The following SESN2 variants were observed in gnomAD, a reference collection of about 807,000 sequenced individuals.
SESN2 encodes the protein sestrin 2, also known as sestrin-2.
A neutral mutation model predicts 56.0 loss-of-function variants in SESN2; 42 were observed. The observed-to-expected ratio is 0.75, with a 90% CI of 0.59 to 0.97. SESN2 has a LOEUF of 0.97. Ranked by LOEUF, SESN2 falls within the 50% of genes least tolerant of loss-of-function variation. SESN2 has a pLI of 0.00. For missense variants in SESN2, 507 were observed against 649.4 expected (o/e 0.78, Z 2.38); for synonymous variants, 264 against 267.1 (o/e 0.99, Z 0.11).
intron 8 of SESN2, among the ~76,000 whole-genome samples, chr1:28,278,147 A>G (rs980772183): frequency 2.6e-5 from 4 of 152,218 alleles, no homozygotes; most frequent in African/African-American, 4.8e-5. Flanking sequence ...GCCCATTTGT[A>G]GAATGAGTAC....
intron 1 of SESN2, among the ~76,000 whole-genome samples, chr1:28,265,757 T>C (rs1479593216): frequency 1.3e-5 from 2 of 152,102 alleles, no homozygotes; most frequent in Admixed American, 1.3e-4. Flanking sequence ...ATTCCTAGCC[T>C]CAGGTGATCC....
chr1:28,260,047 G>A (rs1647314220), intron 1 of SESN2, 110 bp downstream of exon 1: 2 of 796,558 alleles, frequency 2.5e-6, no homozygotes, highest in Non-Finnish European at 3.6e-6. Flanking sequence ...AGGGAAAGCC[G>A]AGCGCGTAAC....
Position 28,273,426 on chromosome 1 carries a change from G to A in SESN2, c.819G>A (p.Leu273=). 6.2e-7 allele frequency: 1 copy of A among 1,611,810 alleles called. No homozygotes were observed. The highest frequency in any genetic ancestry group is 1.1e-5 in the South Asian group (1 of 90,860). The part of the protein sequence containing the change: ...ERMQQLQESL[L]RDEGTSQEEM... Reference sequence around the variant, plus strand: ...TGCAGCAGCTGCAGGAGAGCCTGCTGCGGGATGAGGGGACGTCCCAGGAGG... The same window carrying A: ...TGCAGCAGCTGCAGGAGAGCCTGCTACGGGATGAGGGGACGTCCCAGGAGG... Residue 273 remains leucine, a synonymous_variant, in exon 6 of 10, where the codon CTG becomes CTA. Transcript: ENST00000253063.
chr1:28,270,540 C>T (rs182089287), intron 2 of SESN2, among the ~76,000 whole-genome samples: 1 of 152,062 alleles, frequency 6.6e-6, no homozygotes, highest in East Asian at 1.9e-4. Context: ...TCAAGTATTG[C>T]TCTTGTCTTT....
chr1:28,264,550 C>T (rs940891448), intron 1 of SESN2, among the ~76,000 whole-genome samples: 2 of 129,324 alleles, frequency 1.5e-5, no homozygotes, highest in Non-Finnish European at 3.3e-5. Flanking sequence ...GACCTGACCC[C>T]TCTGTGTTGC....
At chr1:28,266,080 T>C (rs1647551368) in intron 1 of SESN2, among the ~76,000 whole-genome samples, 1 of 152,228 alleles carries the variant, frequency 6.6e-6, no homozygotes, top group Non-Finnish European at 1.5e-5. Context: ...AATATAGCCA[T>C]CAAAAATATT....
chr1:28,266,348 A>G (rs1236662636), intron 1 of SESN2, among the ~76,000 whole-genome samples: 2 of 152,164 alleles, frequency 1.3e-5, no homozygotes, highest in African/African-American at 2.4e-5. Flanking sequence ...GAGGTTAATG[A>G]TACCTGACTT....
Position 28,271,716 on chromosome 1 carries a change from C to T in SESN2, c.199C>T (p.Leu67=). 3.1e-6 allele frequency: 5 copies of T among 1,614,182 alleles called. No homozygotes were observed. The highest frequency in any genetic ancestry group is 4.2e-6 in the Non-Finnish European group (5 of 1,180,028). Residue 67 remains leucine (L), a synonymous_variant, in exon 3 of 10, where the codon CTG becomes TTG. Transcript: ENST00000253063. ...TGAGAGCCTCGAGCAGCACCTGGGG[C>T]TGGAGGCACTGATGTCCTCTGGGCG... The part of the protein sequence containing the change: ...GAESLEQHLG[L]EALMSSGRVD...
rs543632805 is a variant in SESN2 at position 28,259,708 on chromosome 1, G to C, written c.-140G>C. On this transcript the variant is annotated 5_prime_UTR_variant, in exon 1 of 10. Transcript: ENST00000253063. ...AGCGGCCGTTCTCGGATTCCGGAGC[G>C]TTCTGGAGCCCCGAGAGACGCCCCG... The C allele has an allele frequency of 2.3e-3, 1,322 of 581,554 alleles. 2 individuals are homozygous for C. Among genetic ancestry groups the C allele is most frequent in the Non-Finnish European group, 3.3e-3 (1,193 of 358,360 alleles). The allele number at this position is 581,554 out of a possible 1,614,324, so 36.0% of individuals were successfully genotyped here. A position where few individuals can be genotyped will look rare whatever the true frequency, so the allele number is the denominator to read the frequency against.
rs147204257 is a variant in SESN2, at chr1:28,273,449, A to C, written c.842A>C (p.Glu281Ala). ...CTGCGGGATGAGGGGACGTCCCAGG[A>C]GGAGATGGAGAGCCGCTTTGAGCTG... ...SLLRDEGTSQ[E>A]EMESRFELEK... Residue 281 changes from glutamate to alanine, a missense_variant, in exon 6 of 10, where the codon GAG becomes GCG. Transcript: ENST00000253063. 1 of 1,611,522 alleles carries C rather than the reference A, an allele frequency of 6.2e-7. No individual in the cohort carries two copies. The highest frequency in any genetic ancestry group is 1.3e-5 in the African/African-American group (1 of 74,834).
Position 28,279,007 on chromosome 1 carries a change from C to G in SESN2, c.1212-90C>G, listed in dbSNP as rs1648143033. ...CTACCTTCTGATTTTTCTCAACACT[C>G]TGTTCTTCCCTCTGTAGGGTGGGGT... On this transcript the variant is annotated intron_variant, in intron 8 of 9. Coordinates refer to ENST00000253063, the MANE Select transcript of SESN2 (RefSeq NM_031459.5). The G allele has an allele frequency of 4.0e-5, 52 of 1,292,804 alleles. No individual in the cohort carries two copies. In the South Asian group the frequency reaches 6.6e-4, roughly 16 times the overall value. The allele number at this position is 1,292,804 out of a possible 1,614,324, so 80.1% of individuals were successfully genotyped here.
At chr1:28,264,063 T>TAA (rs747016677) in intron 1 of SESN2, among the ~76,000 whole-genome samples, 6 of 107,740 alleles carry the variant, frequency 5.6e-5, no homozygotes, top group East Asian at 5.2e-4. Flanking sequence ...CATCTCTATT[T>TAA]AAAAAAAAAA....
chr1:28,277,804 T>C (rs1052018009), intron 8 of SESN2, among the ~76,000 whole-genome samples: 5 of 152,234 alleles, frequency 3.3e-5, no homozygotes, highest in African/African-American at 1.2e-4. Context: ...GGTTGAGCTA[T>C]ACTTAATGAA....
intron 2 of SESN2, among the ~76,000 whole-genome samples, chr1:28,269,702 C>G (rs1157129571): frequency 6.6e-6 from 1 of 151,886 alleles, no homozygotes; most frequent in Non-Finnish European, 1.5e-5. Flanking sequence ...CACTGTTAAC[C>G]ATTTGCCACT....
intron 1 of SESN2, among the ~76,000 whole-genome samples, chr1:28,263,949 G>T (rs940888854): frequency 2.0e-5 from 3 of 152,018 alleles, no homozygotes; most frequent in African/African-American, 7.3e-5. Flanking sequence ...TCCATGCCAG[G>T]CATGGTGGCT....
intron 8 of SESN2, among the ~76,000 whole-genome samples, chr1:28,277,886 A>C (rs530606548): frequency 7.7e-4 from 118 of 152,306 alleles, no homozygotes; most frequent in African/African-American, 2.8e-3. Context: ...TTAGAATGTG[A>C]GTTGGGCTGG....
At chr1:28,265,123 C>T (rs1024982881) in intron 1 of SESN2, among the ~76,000 whole-genome samples, 1 of 152,182 alleles carries the variant, frequency 6.6e-6, no homozygotes, top group African/African-American at 2.4e-5. Context: ...CCAGGTAGTG[C>T]ATGTGAAATT....
At chr1:28,263,240 C>T (rs115168298) in intron 1 of SESN2, among the ~76,000 whole-genome samples, 2,673 of 152,288 alleles carry the variant, frequency 0.018, 44 homozygotes, top group Non-Finnish European at 0.025. Context: ...CTGAGCCTCT[C>T]TGACCTGTTT....
At chr1:28,266,924 C>T (rs1011789044) in intron 1 of SESN2, among the ~76,000 whole-genome samples, 3 of 152,126 alleles carry the variant, frequency 2.0e-5, no homozygotes, top group Non-Finnish European at 4.4e-5. Context: ...GGATCCAGAC[C>T]GATGACTTAG....
Sources: allele counts gnomAD v4.1 joint callset (sites outside exome capture counted in the v4.1 genomes callset), GRCh38; gene constraint gnomAD v4.1.1; transcripts MANE v1.5; gene names NCBI Gene and HGNC (gene_info 2026-07-23, HGNC 2026-07-21).